Variants in CDH12 observed in about 807,000 individuals in gnomAD.
The protein encoded by CDH12 is cadherin-12.
Under a neutral mutation model 74.1 loss-of-function variants are expected in CDH12, and 41 were observed. The ratio of observed to expected loss-of-function variants is 0.55; its 90% CI spans 0.43 to 0.72. The LOEUF (loss-of-function observed/expected upper bound fraction) is 0.72. Ranked by LOEUF, CDH12 falls within the 30% of genes least tolerant of loss-of-function variation. CDH12 has a pLI of 0.00. For synonymous variants in CDH12, 399 were observed against 355.0 expected (o/e 1.12, Z -1.39); for missense variants, 945 against 977.2 (o/e 0.97, Z 0.44).
intron 1 of CDH12, among the ~76,000 whole-genome samples, chr5:22,807,029 A>C (rs1485437554): frequency 1.3e-5 from 2 of 152,096 alleles, no homozygotes; most frequent in East Asian, 3.9e-4. Flanking sequence ...TTGGTGTTTT[A>C]GTCATGAAGT....
intron 1 of CDH12, among the ~76,000 whole-genome samples, chr5:22,844,289 T>C (rs1737207043): frequency 2.0e-5 from 3 of 152,078 alleles, no homozygotes; most frequent in Admixed American, 1.3e-4. Flanking sequence ...CTTTGACTCA[T>C]TATTTGGATG....
intron 3 of CDH12, among the ~76,000 whole-genome samples, chr5:22,313,683 G>A (rs1211121419): frequency 6.6e-6 from 1 of 152,152 alleles, no homozygotes; most frequent in Non-Finnish European, 1.5e-5. Context: ...TGCAGCAACT[G>A]GGATGGAACT....
At chr5:22,467,987 A>ATTAG (rs1745802777) in intron 2 of CDH12, among the ~76,000 whole-genome samples, 1 of 152,230 alleles carries the variant, frequency 6.6e-6, no homozygotes, top group Non-Finnish European at 1.5e-5. Context: ...TGGGCCTCCA[A>ATTAG]AATTTAGATT....
chr5:22,091,462 T>C (rs1469609566), intron 4 of CDH12, among the ~76,000 whole-genome samples: 1 of 151,646 alleles, frequency 6.6e-6, no homozygotes. Flanking sequence ...CCATTTATAA[T>C]AGTGTCTGAA....
chr5:22,122,412 AAAAC>A (rs770552246), intron 4 of CDH12, among the ~76,000 whole-genome samples: 55 of 152,260 alleles, frequency 3.6e-4, no homozygotes, highest in African/African-American at 1.3e-3. Flanking sequence ...CACAAAAACA[AAAAC>A]AAACAAACAA....
intron 1 of CDH12, among the ~76,000 whole-genome samples, chr5:22,840,177 G>A (rs2126520322): frequency 6.6e-6 from 1 of 152,236 alleles, no homozygotes; most frequent in Non-Finnish European, 1.5e-5. Flanking sequence ...CTGGAGTGCG[G>A]TTGCACGATC....
chr5:22,309,969 G>A (rs1439016765), intron 3 of CDH12, among the ~76,000 whole-genome samples: 8 of 145,238 alleles, frequency 5.5e-5, no homozygotes, highest in African/African-American at 1.5e-4. Context: ...ACATGGACAC[G>A]GTGGGGGGCA....
chr5:22,223,303 T>A (rs1017182482), intron 3 of CDH12, among the ~76,000 whole-genome samples: 2 of 152,052 alleles, frequency 1.3e-5, no homozygotes, highest in African/African-American at 4.8e-5. Context: ...AAGGTGTCTG[T>A]CAAGTTGCTC....
At chr5:22,264,196 G>A (rs1398647537) in intron 3 of CDH12, among the ~76,000 whole-genome samples, 1 of 151,798 alleles carries the variant, frequency 6.6e-6, no homozygotes, top group East Asian at 1.9e-4. Flanking sequence ...ACATATATTT[G>A]ATTGTGGTTT....
Position 21,762,019 on chromosome 5 carries a change from C to T in CDH12, c.1516-1344G>A, listed in dbSNP as rs142641844. On this transcript the variant is annotated intron_variant, in intron 12 of 14. Coordinates refer to ENST00000382254, the MANE Select transcript of CDH12 (RefSeq NM_004061.5). The stretch of plus-strand genomic sequence containing the variant: ...AATCAACATACAGACCCTATGAAAC[C>T]AACTTTCCTTCACTTAGACCAATGT... Among the ~76,000 whole-genome samples the T allele has an allele frequency of 5.8e-3, 877 of 152,172 alleles. 5 individuals are homozygous for T. Among genetic ancestry groups the T allele is most frequent in the African/African-American group, 0.02 (818 of 41,542 alleles).
chr5:21,806,950 A>G (rs1747460169), intron 9 of CDH12, among the ~76,000 whole-genome samples: 1 of 152,204 alleles, frequency 6.6e-6, no homozygotes, highest in Admixed American at 6.5e-5. Flanking sequence ...AAAACTAAAG[A>G]AAGTCCACAA....
intron 1 of CDH12, among the ~76,000 whole-genome samples, chr5:22,713,362 C>G (rs1227074089): frequency 6.6e-6 from 1 of 151,614 alleles, no homozygotes; most frequent in Non-Finnish European, 1.5e-5. Flanking sequence ...AGGATGGTCT[C>G]AATCTCTTGA....
At chr5:22,519,688 T>C (rs1736965053) in intron 1 of CDH12, among the ~76,000 whole-genome samples, 1 of 152,096 alleles carries the variant, frequency 6.6e-6, no homozygotes. Flanking sequence ...CAAATTATGG[T>C]AGTTGGGAAC....
At chr5:21,961,715 G>GAGATGTCT (rs1339641655) in intron 6 of CDH12, among the ~76,000 whole-genome samples, 1 of 152,126 alleles carries the variant, frequency 6.6e-6, no homozygotes, top group Admixed American at 6.6e-5. Context: ...AAGCCACGGA[G>GAGATGTCT]AGATGTCTAG....
chr5:21,899,025 G>T (rs10037367), intron 6 of CDH12, among the ~76,000 whole-genome samples: 2,031 of 152,212 alleles, frequency 0.013, 52 homozygotes, highest in African/African-American at 0.044. Context: ...CGCCAATATG[G>T]TCTTTCCACC....
chr5:21,962,104 G>A (rs528054684), intron 6 of CDH12, among the ~76,000 whole-genome samples: 1 of 152,124 alleles, frequency 6.6e-6, no homozygotes. Flanking sequence ...TTGATTTGAT[G>A]TTCTTGGATC....
intron 4 of CDH12, among the ~76,000 whole-genome samples, chr5:22,156,188 A>G (rs1229836652): frequency 2.0e-5 from 3 of 152,110 alleles, no homozygotes; most frequent in Admixed American, 1.3e-4. Flanking sequence ...TCTATTTTAC[A>G]TGTCTCATCA....
At chr5:22,299,093 A>T (rs968808285) in intron 3 of CDH12, among the ~76,000 whole-genome samples, 2 of 152,192 alleles carry the variant, frequency 1.3e-5, no homozygotes, top group Non-Finnish European at 2.9e-5. Flanking sequence ...ACAATGACTT[A>T]AAGAAGGTGA....
chr5:22,183,494 A>AT (rs1398266698), intron 4 of CDH12, among the ~76,000 whole-genome samples: 4 of 152,298 alleles, frequency 2.6e-5, no homozygotes, highest in East Asian at 1.9e-4. Flanking sequence ...CTTTTAAAAT[A>AT]TTTTTTTCTT....
Sources: allele counts gnomAD v4.1 joint callset (sites outside exome capture counted in the v4.1 genomes callset), GRCh38; gene constraint gnomAD v4.1.1; transcripts MANE v1.5; gene names NCBI Gene and HGNC (gene_info 2026-07-23, HGNC 2026-07-21).